OTUD3: variants seen among roughly 807,000 people sequenced by gnomAD.
OTUD3 encodes the protein OTU domain-containing protein 3.
OTUD3 carries 24 observed loss-of-function variants against 46.2 expected under a neutral mutation model. The ratio of observed to expected loss-of-function variants is 0.52; its 90% confidence interval spans 0.38 to 0.73. OTUD3 has a LOEUF of 0.73. Ranked by LOEUF, OTUD3 falls within the 30% of genes least tolerant of loss-of-function variation. OTUD3 has a pLI of 0.00. For missense variants in OTUD3, 455 were observed against 523.3 expected, an observed-to-expected ratio of 0.87 and a Z score of 1.27; for synonymous variants, 189 against 195.4, an observed-to-expected ratio of 0.97 and a Z score of 0.27.
rs960237136 is a variant in OTUD3 at position 19,909,303 on chromosome 1, G to A, written c.*1557G>A. Reference sequence around the variant, plus strand: ...TTTTTGACTTTGGTGGCTTTTTGTAGTTGGAGCATCAGTAGTCTCTTGGAA... The same window carrying A: ...TTTTTGACTTTGGTGGCTTTTTGTAATTGGAGCATCAGTAGTCTCTTGGAA... On this transcript the variant is annotated 3_prime_UTR_variant, in exon 8 of 8. Transcript: ENST00000375120. 4 of 152,312 alleles carry A rather than the reference G, an allele frequency of 2.6e-5. No homozygotes were observed. The highest frequency in any genetic ancestry group is 9.7e-5 in the African/African-American group (4 of 41,426). 9.4% of individuals were successfully genotyped at this position (152,312 alleles called of 1,614,324 possible). A position where few individuals can be genotyped will look rare whatever the true frequency, so the allele number is the denominator to read the frequency against.
chr1:19,901,407 A>G (rs2045587702), intron 4 of OTUD3, among the ~76,000 whole-genome samples: 1 of 152,076 alleles, frequency 6.6e-6, no homozygotes, highest in Admixed American at 6.6e-5. Flanking sequence ...GTCTATTGTA[A>G]AGAGATCTTT....
chr1:19,906,643 G>C (rs769441990), intron 7 of OTUD3, 27 bp downstream of exon 7: 26 of 1,571,124 alleles, frequency 1.7e-5, no homozygotes, highest in Non-Finnish European at 2.2e-5. Flanking sequence ...TGAATGGGCA[G>C]GTGGTGGGCA....
intron 4 of OTUD3, among the ~76,000 whole-genome samples, chr1:19,901,098 C>CGGG (rs368200941): frequency 1.1e-3 from 166 of 151,928 alleles, no homozygotes; most frequent in African/African-American, 3.9e-3. Context: ...TTAGTAGAGA[C>CGGG]GGGGTTTCAC....
chr1:19,895,778 G>T (rs1246550813), intron 3 of OTUD3, among the ~76,000 whole-genome samples: 1 of 152,102 alleles, frequency 6.6e-6, no homozygotes, highest in African/African-American at 2.4e-5. Context: ...TTACCCCTTT[G>T]TTCTATTTTT....
At chr1:19,898,759 T>C (rs536047205) in intron 4 of OTUD3, among the ~76,000 whole-genome samples, 1 of 151,938 alleles carries the variant, frequency 6.6e-6, no homozygotes, top group Non-Finnish European at 1.5e-5. Context: ...CATTATTGCA[T>C]AAACCTTTTT....
Position 19,909,975 on chromosome 1 carries a change from T to G in OTUD3, c.*2229T>G, listed in dbSNP as rs1486918880. ...TTGGTCTGTTTAGTGTGTTAATTAT[T>G]AGGAATCGGGTACATGCATCCAACT... On this transcript the variant is annotated 3_prime_UTR_variant, in exon 8 of 8. Coordinates refer to ENST00000375120, the MANE Select transcript of OTUD3 (RefSeq NM_015207.2). The G allele has an allele frequency of 2.6e-5, 4 of 152,506 alleles. No individual in the cohort carries two copies. In the East Asian group the frequency reaches 7.5e-4, roughly 29 times the overall value. 9.4% of individuals were successfully genotyped at this position (152,506 alleles called of 1,614,324 possible). A position where few individuals can be genotyped will look rare whatever the true frequency, so the allele number is the denominator to read the frequency against.
rs2045745058 is a variant in OTUD3 at position 19,912,451 on chromosome 1, GAA to G, written c.*4706_*4707del. On this transcript the variant is annotated 3_prime_UTR_variant, in exon 8 of 8. Transcript: ENST00000375120. ...CCACCAGCACTAAGCTCAGAGGAAA[GAA>G]GAAAAGGGCCAGGAGTCAGACGTCA... is the stretch of plus-strand genomic sequence containing the variant. 1 of 153,120 alleles carries G rather than the reference GAA, an allele frequency of 6.5e-6. No individual in the cohort carries two copies. Among genetic ancestry groups the G allele is most frequent in the Non-Finnish European group, 1.5e-5 (1 of 68,160 alleles). 9.5% of individuals were successfully genotyped at this position (153,120 alleles called of 1,614,324 possible). A position where few individuals can be genotyped will look rare whatever the true frequency, so the allele number is the denominator to read the frequency against.
intron 4 of OTUD3, 29 bp from the exon 5 acceptor site, chr1:19,904,226 ATTCTCAACATAG>A (rs2045628079): frequency 6.6e-7 from 1 of 1,504,682 alleles, no homozygotes. Flanking sequence ...ACATAGTTTG[ATTCTCAACATAG>A]TTCCCTGATT....
At chr1:19,900,916 GTTTTT>G (rs990933093) in intron 4 of OTUD3, among the ~76,000 whole-genome samples, 1 of 115,722 alleles carries the variant, frequency 8.6e-6, no homozygotes, top group Admixed American at 9.0e-5. Flanking sequence ...TTTTTTTTTT[GTTTTT>G]TTTTTTTTTT....
intron 1 of OTUD3, among the ~76,000 whole-genome samples, chr1:19,888,493 G>A (rs1338575697): frequency 6.6e-6 from 1 of 152,118 alleles, no homozygotes; most frequent in African/African-American, 2.4e-5. Context: ...AAGAAAGTTT[G>A]GTAAGTAATG....
chr1:19,906,672 T>C, intron 7 of OTUD3, 56 bp downstream of exon 7: 1 of 1,390,438 alleles, frequency 7.2e-7, no homozygotes, highest in East Asian at 2.4e-5. Flanking sequence ...TCTGTGGCAG[T>C]GGTGGTAGCT....
At chr1:19,893,534 GT>G (rs1021118212) in intron 2 of OTUD3, among the ~76,000 whole-genome samples, 10 of 152,220 alleles carry the variant, frequency 6.6e-5, no homozygotes, top group African/African-American at 2.2e-4. Context: ...AGAGGTTTTT[GT>G]TTTGTTTTGT....
At chr1:19,883,376 G>T (rs1164170378) in intron 1 of OTUD3, among the ~76,000 whole-genome samples, 2 of 152,140 alleles carry the variant, frequency 1.3e-5, no homozygotes, top group African/African-American at 4.8e-5. Flanking sequence ...AGAGTGGGGA[G>T]GAGGAAGAAA....
In OTUD3 at chr1:19,906,419, CT is replaced by C; in HGVS notation, c.836-10del. The C allele has an allele frequency of 6.2e-7, 1 of 1,611,840 alleles. No individual in the cohort carries two copies. On this transcript the variant is annotated splice_polypyrimidine_tract_variant and intron_variant, in intron 6 of 7. Transcript: ENST00000375120. Reference sequence around the variant, plus strand: ...CAGGTTCTCAGTTTTAATGAAATGTCTTTCTTTGGAAGATGCAGAAGAGAAT... The same window carrying C: ...CAGGTTCTCAGTTTTAATGAAATGTCTTCTTTGGAAGATGCAGAAGAGAAT...
intron 2 of OTUD3, among the ~76,000 whole-genome samples, chr1:19,893,924 T>A (rs565900804): frequency 6.6e-6 from 1 of 152,366 alleles, no homozygotes; most frequent in Admixed American, 6.5e-5. Context: ...GTACCAGCTC[T>A]TTGACCTTGG....
chr1:19,904,311 C>T lies in OTUD3; in HGVS notation c.651C>T (p.Ile217=). The change falls in exon 5 of 8, where the codon ATC becomes ATT. Residue 217 remains isoleucine, a synonymous_variant. Transcript: ENST00000375120. ...ATGAATCAAATAAAAGAGAAAAGAT[C>T]AAGACAAAGGGAATGGACTCTGAAG... ...HQDESNKREK[I]KTKGMDSEDD... is the part of the protein sequence containing the mutation. The T allele has an allele frequency of 6.2e-7, 1 of 1,610,262 alleles. No individual in the cohort carries two copies. Among genetic ancestry groups the T allele is most frequent in the East Asian group, 2.2e-5 (1 of 44,816 alleles).
At chr1:19,899,073 C>A (rs776060560) in intron 4 of OTUD3, among the ~76,000 whole-genome samples, 2 of 152,146 alleles carry the variant, frequency 1.3e-5, no homozygotes, top group Non-Finnish European at 1.5e-5. Context: ...GGCCTTCCAA[C>A]ATGTTGGGAT....
chr1:19,890,516 T>G lies in OTUD3; in HGVS notation c.353T>G (p.Ile118Ser). ...TTTGAACCCTTTGTAGAAGATGACA[T>G]TCCTTTTGAGAAGCATGGTAGGTTC... Reference protein sequence around the residue: ...EDFEPFVEDDIPFEKHVASLA... With the variant: ...EDFEPFVEDDSPFEKHVASLA... Residue 118 changes from isoleucine (I) to serine (S), a missense_variant, in exon 2 of 8, where the codon ATT (isoleucine) becomes AGT (serine). Coordinates refer to ENST00000375120, the MANE Select transcript of OTUD3 (RefSeq NM_015207.2). 6.2e-7 allele frequency: 1 copy of G among 1,613,846 alleles called. No homozygotes were observed. Among genetic ancestry groups the G allele is most frequent in the Non-Finnish European group, 8.5e-7 (1 of 1,179,746 alleles).
rs149444136 is a variant in OTUD3 at position 19,902,706 on chromosome 1, T to G, written c.607-1561T>G. Among the ~76,000 whole-genome samples, 12 of 152,296 alleles carry G rather than the reference T, an allele frequency of 7.9e-5. No homozygotes were observed. The East Asian group carries it at 2.3e-3, about 29-fold the overall frequency. ...CTAGATTCTTACCCAGGTATATGAT[T>G]TGCTGTAATTTTTTTGGTTTGCAGT... On this transcript the variant is annotated intron_variant, in intron 4 of 7. Coordinates refer to ENST00000375120, the MANE Select transcript of OTUD3 (RefSeq NM_015207.2).
Sources: allele counts gnomAD v4.1 joint callset (sites outside exome capture counted in the v4.1 genomes callset), GRCh38; gene constraint gnomAD v4.1.1; transcripts MANE v1.5; gene names NCBI Gene and HGNC (gene_info 2026-07-23, HGNC 2026-07-21).